The following GRIA3 variants were observed in gnomAD, a reference collection of about 807,000 sequenced individuals.
GRIA3 encodes glutamate ionotropic receptor AMPA type subunit 3.
GRIA3 carries 3 observed loss-of-function variants against 63.0 expected under a neutral mutation model. The ratio of observed to expected loss-of-function variants is 0.05; its 90% CI spans 0.02 to 0.12. GRIA3 has a LOEUF of 0.12. Among genes scored for constraint, GRIA3 ranks in the 10% least tolerant of loss-of-function variants. The probability of loss-of-function intolerance (pLI) is 1.00; values close to 1 mark genes in which losing one functional copy is unlikely to be tolerated. For synonymous variants in GRIA3, 274 were observed against 257.9 expected (o/e 1.06, Z -0.60); for missense variants, 347 against 700.9 (o/e 0.50, Z 5.70).
chrX:123,258,805 C>T (rs1222910355), intron 3 of GRIA3, among the ~76,000 whole-genome samples: 1 of 112,149 alleles, frequency 8.9e-6, no homozygotes, highest in Non-Finnish European at 1.9e-5. Context: ...CTACTCAGTT[C>T]CCAAGTAACT....
At chrX:123,463,704 G>GAAAGAAAGAGAGAGAAAGAAAGAA (rs2045816093) in intron 12 of GRIA3, among the ~76,000 whole-genome samples, 1 of 11,717 alleles carries the variant, frequency 8.5e-5, no homozygotes, top group Admixed American at 6.9e-4. Flanking sequence ...GAAAGAAAAA[G>GAAAGAAAGAGAGAGAAAGAAAGAA]AAAGAAAGAA....
intron 5 of GRIA3, among the ~76,000 whole-genome samples, chrX:123,356,800 C>T (rs1379111192): frequency 9.0e-6 from 1 of 111,704 alleles, no homozygotes; most frequent in East Asian, 2.8e-4. Context: ...TTGGGCAAGT[C>T]ACTTCAACTC....
At chrX:123,288,722 C>A (rs1020227766) in intron 3 of GRIA3, among the ~76,000 whole-genome samples, 16 of 111,803 alleles carry the variant, frequency 1.4e-4, no homozygotes, top group Non-Finnish European at 1.3e-4. Flanking sequence ...CAATGAGATA[C>A]CATCTCAAGC....
intron 13 of GRIA3, among the ~76,000 whole-genome samples, chrX:123,474,560 G>A (rs2045878419): frequency 9.0e-6 from 1 of 110,560 alleles, no homozygotes; most frequent in Non-Finnish European, 1.9e-5. Context: ...GCATGTGCCT[G>A]TAGTCTCAGC....
In GRIA3 at chrX:123,253,562, C is replaced by T; in HGVS notation, c.508+20C>T. ...AACGAGGTAAGAAGAGGCACCTGCT[C>T]TGCTCTTTAGATATTCATGTAATTG... On this transcript the variant is annotated intron_variant, in intron 3 of 15. Coordinates refer to ENST00000620443, the MANE Select transcript of GRIA3 (RefSeq NM_007325.5). 1 of 1,191,731 alleles carries T rather than the reference C, an allele frequency of 8.4e-7. No homozygotes were observed. The highest frequency in any genetic ancestry group is 1.8e-5 in the South Asian group (1 of 56,560).
At chrX:123,406,893 G>C (rs1428379085) in intron 10 of GRIA3, among the ~76,000 whole-genome samples, 1 of 111,676 alleles carries the variant, frequency 9.0e-6, no homozygotes, top group Non-Finnish European at 1.9e-5. Context: ...TTTCCAAGTT[G>C]TTGATAAGGT....
chrX:123,281,275 T>G (rs990527821), intron 3 of GRIA3, among the ~76,000 whole-genome samples: 1 of 111,609 alleles, frequency 9.0e-6, no homozygotes, highest in Non-Finnish European at 1.9e-5. Flanking sequence ...AATATGATCT[T>G]GGCATACTAA....
chrX:123,186,609 A>G (rs1603013179), intron 2 of GRIA3, among the ~76,000 whole-genome samples: 1 of 111,755 alleles, frequency 8.9e-6, no homozygotes, highest in East Asian at 2.8e-4. Context: ...AGGAACTCAT[A>G]AGACTACAAA....
intron 5 of GRIA3, among the ~76,000 whole-genome samples, chrX:123,386,713 G>A (rs905540259): frequency 8.9e-6 from 1 of 111,880 alleles, no homozygotes; most frequent in African/African-American, 3.2e-5. Context: ...ATTGAAGAGG[G>A]TGCCCTTTCC....
intron 3 of GRIA3, among the ~76,000 whole-genome samples, chrX:123,275,661 A>G (rs770541441): frequency 1.8e-5 from 2 of 112,265 alleles, no homozygotes; most frequent in African/African-American, 3.2e-5. Context: ...TCCTAGAACT[A>G]CGAATTTAAA....
At chrX:123,283,644 G>A (rs915443227) in intron 3 of GRIA3, among the ~76,000 whole-genome samples, 21 of 111,559 alleles carry the variant, frequency 1.9e-4, no homozygotes, top group African/African-American at 5.5e-4. Flanking sequence ...GTTCAAACTC[G>A]GCAGAGCCCA....
At chrX:123,314,038 T>TC (rs1484301980) in intron 3 of GRIA3, among the ~76,000 whole-genome samples, 1 of 110,454 alleles carries the variant, frequency 9.1e-6, no homozygotes, top group Non-Finnish European at 1.9e-5. Context: ...CATAAGGCCT[T>TC]CCCCCCACTG....
intron 12 of GRIA3, among the ~76,000 whole-genome samples, chrX:123,433,694 T>C: frequency 9.0e-6 from 1 of 111,543 alleles, no homozygotes; most frequent in East Asian, 2.8e-4. Flanking sequence ...AGAAAGTAAA[T>C]ATAAAAGAAG....
chrX:123,286,642 G>A (rs770703072), intron 3 of GRIA3, among the ~76,000 whole-genome samples: 4 of 111,528 alleles, frequency 3.6e-5, no homozygotes, highest in South Asian at 7.6e-4. Context: ...ACACCTCTAC[G>A]CAAATAAACC....
intron 4 of GRIA3, among the ~76,000 whole-genome samples, chrX:123,338,443 C>T (rs1354224547): frequency 8.9e-6 from 1 of 112,376 alleles, no homozygotes; most frequent in Non-Finnish European, 1.9e-5. Flanking sequence ...GAAATCCTAG[C>T]CACTTCCTGC....
chrX:123,366,594 G>A (rs765962760), intron 5 of GRIA3, among the ~76,000 whole-genome samples: 9 of 111,739 alleles, frequency 8.1e-5, no homozygotes, highest in Non-Finnish European at 1.7e-4. Context: ...ATTCCTACAC[G>A]TAGAGTGTAA....
chrX:123,253,182 G>A lies in GRIA3; in HGVS notation c.269-121G>A, dbSNP rs912146469. 66 of 802,099 alleles carry A rather than the reference G, an allele frequency of 8.2e-5. 1 individual carries two copies. The highest frequency in any genetic ancestry group is 1.2e-4 in the Non-Finnish European group (64 of 533,927). The allele number at this position is 802,099 out of a possible 1,213,427, so 66.1% of individuals were successfully genotyped here. On this transcript the variant is annotated intron_variant, in intron 2 of 15. Transcript: ENST00000620443. The stretch of plus-strand genomic sequence containing the variant: ...CTCCTGTTGGGTAACTGGGTTTTCA[G>A]GGGCTTCTTTCTTCTGAGGTATGCA...
intron 2 of GRIA3, among the ~76,000 whole-genome samples, chrX:123,252,482 GA>G (rs1377222662): frequency 2.2e-4 from 25 of 112,211 alleles, no homozygotes; most frequent in African/African-American, 8.1e-4. Flanking sequence ...ATGTTCTACT[GA>G]AGCTAATATT....
At chrX:123,478,232 T>C (rs768987193) in intron 13 of GRIA3, among the ~76,000 whole-genome samples, 19 of 111,880 alleles carry the variant, frequency 1.7e-4, no homozygotes, top group Middle Eastern at 4.6e-3. Context: ...GGGCCATCGA[T>C]GGCCTGTCTG....
Sources: gnomAD v4.1 joint callset for allele counts (sites outside exome capture counted in the v4.1 genomes callset) on GRCh38, gnomAD v4.1.1 for gene constraint, MANE v1.5 for transcripts, NCBI Gene and HGNC (gene_info 2026-07-23, HGNC 2026-07-21) for gene names.